The following SUGCT variants were observed in gnomAD, a reference collection of about 807,000 sequenced individuals.
SUGCT encodes the protein succinyl-CoA:glutarate-CoA transferase.
A neutral mutation model predicts 55.0 loss-of-function variants in SUGCT; 41 were observed. That is an observed-to-expected ratio of 0.74 (90% CI 0.58 to 0.97). The LOEUF (loss-of-function observed/expected upper bound fraction) is 0.97. Ranked by LOEUF, SUGCT falls within the 50% of genes least tolerant of loss-of-function variation. The pLI, the probability that SUGCT is intolerant of heterozygous loss-of-function variation, is 0.00. For synonymous variants in SUGCT, 187 were observed against 200.4 expected (o/e 0.93, Z 0.56); for missense variants, 568 against 547.8 (o/e 1.04, Z -0.37).
chr7:40,939,976 C>T, the SUGCT span, among the ~76,000 whole-genome samples: 11 of 151,928 alleles, frequency 7.2e-5, no homozygotes, highest in African/African-American at 2.7e-4. Context: ...ATAGTTTTCC[C>T]TAGGTTTTCT....
rs1021858361 is a variant in SUGCT at position 40,153,674 on chromosome 7, T to G, written c.100+18554T>G. 5.8e-6 allele frequency: 3 copies of G among 517,354 alleles called. No homozygotes were observed. The Admixed American group carries it at 6.0e-5, about 10-fold the overall frequency. 32.0% of individuals were successfully genotyped at this position (517,354 alleles called of 1,614,324 possible). The stretch of plus-strand genomic sequence containing the variant: ...GGGCAATACCAATAGAGGGGACTAC[T>G]TAATGTTTTCACGTTATATTCTGGT... On this transcript the variant is annotated intron_variant, in intron 1 of 13. Transcript: ENST00000335693.
At chr7:40,578,704 C>G (rs1376667422) in intron 12 of SUGCT, among the ~76,000 whole-genome samples, 2 of 152,296 alleles carry the variant, frequency 1.3e-5, no homozygotes, top group East Asian at 3.9e-4. Flanking sequence ...TCAGGCGATT[C>G]TCTTAGGCAC....
intron 9 of SUGCT, among the ~76,000 whole-genome samples, chr7:40,398,667 C>T (rs1785887508): frequency 6.6e-6 from 1 of 151,988 alleles, no homozygotes; most frequent in African/African-American, 2.4e-5. Context: ...TAAATTAGTC[C>T]TGTTATAAGG....
At chr7:40,651,158 TGTGAATA>T (rs1323110660) in intron 12 of SUGCT, among the ~76,000 whole-genome samples, 1 of 152,214 alleles carries the variant, frequency 6.6e-6, no homozygotes, top group Non-Finnish European at 1.5e-5. Flanking sequence ...TCTTTGCTAT[TGTGAATA>T]GTGCTGCAAT....
intron 11 of SUGCT, among the ~76,000 whole-genome samples, chr7:40,491,851 G>A (rs755221397): frequency 6.6e-5 from 10 of 152,042 alleles, no homozygotes; most frequent in African/African-American, 1.4e-4. Flanking sequence ...TTAGCCAGGC[G>A]TGGTGGTGGG....
intron 8 of SUGCT, among the ~76,000 whole-genome samples, chr7:40,303,158 C>T (rs1794637676): frequency 6.6e-6 from 1 of 151,604 alleles, no homozygotes; most frequent in South Asian, 2.1e-4. Context: ...CTCAGCCTCC[C>T]GAGTAGCTGG....
chr7:40,927,272 T>C, the SUGCT span, among the ~76,000 whole-genome samples: 1 of 152,284 alleles, frequency 6.6e-6, no homozygotes, highest in Non-Finnish European at 1.5e-5. Flanking sequence ...AAATTATTAT[T>C]TTGAGATGTC....
intron 9 of SUGCT, among the ~76,000 whole-genome samples, chr7:40,405,858 C>A: frequency 6.7e-6 from 1 of 148,392 alleles, no homozygotes. Context: ...ATGTTAGTTT[C>A]AATTTATGAA....
At chr7:40,294,707 C>T (rs187671579) in intron 8 of SUGCT, among the ~76,000 whole-genome samples, 20 of 152,134 alleles carry the variant, frequency 1.3e-4, no homozygotes, top group African/African-American at 2.4e-4. Context: ...CCACCACGCC[C>T]GGCTAGTTTT....
the SUGCT span, among the ~76,000 whole-genome samples, chr7:41,000,973 T>A: frequency 6.6e-6 from 1 of 152,070 alleles, no homozygotes; most frequent in Non-Finnish European, 1.5e-5. Flanking sequence ...AAAAGAAACA[T>A]GTTTAAGAGT....
At chr7:40,151,580 G>T in intron 1 of SUGCT, 1 of 226,240 alleles carries the variant, frequency 4.4e-6, no homozygotes, top group East Asian at 1.1e-4. Context: ...CCCAGAGCCT[G>T]GGACAGTGTT....
intron 9 of SUGCT, among the ~76,000 whole-genome samples, chr7:40,373,852 A>T (rs1428302195): frequency 1.3e-5 from 2 of 152,180 alleles, no homozygotes; most frequent in Non-Finnish European, 2.9e-5. Context: ...AATGCTTTAT[A>T]GTAAAAAAGT....
intron 5 of SUGCT, among the ~76,000 whole-genome samples, chr7:40,193,755 C>T (rs568355008): frequency 6.6e-6 from 1 of 151,746 alleles, no homozygotes; most frequent in African/African-American, 2.4e-5. Context: ...TGTGCCACCA[C>T]ACCTGGCTCA....
rs540313483 is a variant in SUGCT at position 40,449,482 on chromosome 7, C to T, written c.888+124C>T. ...CAACTAAAAGTATAGGATATTCATG[C>T]GCATAAAGGATAAGGCAGAGTCCAA... On this transcript the variant is annotated intron_variant, in intron 10 of 13. Coordinates refer to ENST00000335693, the MANE Select transcript of SUGCT (RefSeq NM_001193313.2). The T allele has an allele frequency of 8.4e-5, 58 of 691,468 alleles. 1 individual carries two copies. The highest frequency in any genetic ancestry group is 5.9e-4 in the African/African-American group (33 of 56,402). 42.8% of individuals were successfully genotyped at this position (691,468 alleles called of 1,614,324 possible). A position where few individuals can be genotyped will look rare whatever the true frequency, so the allele number is the denominator to read the frequency against.
chr7:40,879,205 T>C, the SUGCT span, among the ~76,000 whole-genome samples: 1 of 152,242 alleles, frequency 6.6e-6, no homozygotes, highest in Non-Finnish European at 1.5e-5. Context: ...TAAAAATACC[T>C]TTTAATTTAT....
intron 12 of SUGCT, among the ~76,000 whole-genome samples, chr7:40,621,101 C>G (rs1799244333): frequency 6.6e-6 from 1 of 152,178 alleles, no homozygotes; most frequent in South Asian, 2.1e-4. Flanking sequence ...TTTATTCCTT[C>G]TATCATCACA....
intron 5 of SUGCT, among the ~76,000 whole-genome samples, chr7:40,191,060 A>G (rs1199407316): frequency 2.0e-5 from 3 of 152,174 alleles, no homozygotes; most frequent in Non-Finnish European, 4.4e-5. Flanking sequence ...CGTGTCACCC[A>G]GGCTGGAGTG....
At chr7:40,192,755 C>T (rs1785991243) in intron 5 of SUGCT, among the ~76,000 whole-genome samples, 1 of 151,478 alleles carries the variant, frequency 6.6e-6, no homozygotes. Context: ...TCTCAGCCTC[C>T]CGAGTAGCTG....
intron 7 of SUGCT, among the ~76,000 whole-genome samples, chr7:40,269,167 G>C (rs1348932911): frequency 6.6e-6 from 1 of 152,024 alleles, no homozygotes; most frequent in African/African-American, 2.4e-5. Flanking sequence ...GTATTTCACT[G>C]TGGTTTTAAT....
Sources: gnomAD v4.1 joint callset for allele counts (sites outside exome capture counted in the v4.1 genomes callset) on GRCh38, gnomAD v4.1.1 for gene constraint, MANE v1.5 for transcripts, NCBI Gene and HGNC (gene_info 2026-07-23, HGNC 2026-07-21) for gene names.